Variants in SYNPR observed in about 807,000 individuals in gnomAD.
The protein encoded by SYNPR is synaptoporin.
A neutral mutation model predicts 32.9 loss-of-function variants in SYNPR; 23 were observed. The observed-to-expected ratio is 0.70, with a 90% CI of 0.50 to 0.99. The LOEUF (loss-of-function observed/expected upper bound fraction) is 0.99, where lower values mean the gene tolerates loss of function less well. Among genes scored for constraint, SYNPR ranks in the 50% least tolerant of loss-of-function variants. The probability of loss-of-function intolerance (pLI) is 0.00; values close to 1 mark genes in which losing one functional copy is unlikely to be tolerated. For synonymous variants in SYNPR, 146 were observed against 135.9 expected (o/e 1.07, Z -0.52); for missense variants, 318 against 349.3 (o/e 0.91, Z 0.71).
chr3:63,524,850 T>TGTGTGTGC lies in SYNPR; in HGVS notation c.210-31692_210-31691insTGTGTGCG, dbSNP rs1405963400. ...GTGTGTGTGTGTGTGTGTGTGTGTG[T>TGTGTGTGC]GCATGTGTGTGTGTGTGTGTGAGAG... On this transcript the variant is annotated intron_variant, in intron 3 of 5. Coordinates refer to ENST00000478300, the MANE Select transcript of SYNPR (RefSeq NM_001130003.2). Among the ~76,000 whole-genome samples, 30 of 124,448 alleles carry TGTGTGTGC rather than the reference T, an allele frequency of 2.4e-4. 1 individual carries two copies. The highest frequency in any genetic ancestry group is 7.5e-4 in the African/African-American group (25 of 33,162). The allele number at this position is 124,448 out of a possible 152,430, so 81.6% of individuals were successfully genotyped here. A position where few individuals can be genotyped will look rare whatever the true frequency, so the allele number is the denominator to read the frequency against.
chr3:63,523,952 G>A (rs1041527419), intron 3 of SYNPR, among the ~76,000 whole-genome samples: 5 of 152,118 alleles, frequency 3.3e-5, no homozygotes, highest in African/African-American at 7.2e-5. Flanking sequence ...CTGTGGACTA[G>A]TGAAAGATTT....
chr3:63,529,192 A>G (rs1468890090), intron 3 of SYNPR, among the ~76,000 whole-genome samples: 3 of 152,236 alleles, frequency 2.0e-5, no homozygotes, highest in African/African-American at 7.2e-5. Flanking sequence ...AAATCCTCCA[A>G]TGCTCAAGTC....
At chr3:63,483,305 A>G (rs1701082638) in intron 3 of SYNPR, among the ~76,000 whole-genome samples, 3 of 152,342 alleles carry the variant, frequency 2.0e-5, no homozygotes, top group African/African-American at 7.2e-5. Context: ...AAGTGAATGT[A>G]CAGATATAGA....
chr3:63,600,318 T>G (rs1700021014), intron 4 of SYNPR, among the ~76,000 whole-genome samples: 1 of 152,204 alleles, frequency 6.6e-6, no homozygotes, highest in African/African-American at 2.4e-5. Context: ...TTCTACATCA[T>G]GCTCTGTGCC....
At chr3:63,573,226 G>A (rs1575718175) in intron 4 of SYNPR, among the ~76,000 whole-genome samples, 1 of 152,214 alleles carries the variant, frequency 6.6e-6, no homozygotes, top group East Asian at 1.9e-4. Context: ...CTAAAACCCA[G>A]GGCTATCAGT....
intron 2 of SYNPR, among the ~76,000 whole-genome samples, chr3:63,416,122 C>T (rs1197084236): frequency 6.6e-6 from 1 of 152,242 alleles, no homozygotes. Context: ...CTTTACATTT[C>T]AGTTCACAAG....
chr3:63,379,336 G>T (rs1407093631), intron 2 of SYNPR, among the ~76,000 whole-genome samples: 1 of 152,010 alleles, frequency 6.6e-6, no homozygotes, highest in Non-Finnish European at 1.5e-5. Context: ...AGATTCTGTT[G>T]GTTGGTGATA....
At chr3:63,205,403 A>G in the SYNPR span, among the ~76,000 whole-genome samples, 2,193 of 152,334 alleles carry the variant, frequency 0.014, 44 homozygotes, top group African/African-American at 0.049. Context: ...TGTAACACCA[A>G]TTCTACCTTT....
At chr3:63,587,235 C>T (rs778424648) in intron 4 of SYNPR, among the ~76,000 whole-genome samples, 3 of 152,092 alleles carry the variant, frequency 2.0e-5, no homozygotes, top group Non-Finnish European at 4.4e-5. Flanking sequence ...ATCATCATCA[C>T]GATCATTAAT....
At chr3:63,507,105 C>A (rs1414715497) in intron 3 of SYNPR, among the ~76,000 whole-genome samples, 1 of 151,566 alleles carries the variant, frequency 6.6e-6, no homozygotes, top group Non-Finnish European at 1.5e-5. Flanking sequence ...CGACATCGCA[C>A]CATGGCACTC....
chr3:63,275,193 T>C (rs2086563810), upstream of SYNPR, among the ~76,000 whole-genome samples: 1 of 152,212 alleles, frequency 6.6e-6, no homozygotes, highest in South Asian at 2.1e-4. Context: ...CTGATAGTAA[T>C]ATTGTGGCAG....
intron 2 of SYNPR, among the ~76,000 whole-genome samples, chr3:63,357,046 T>C (rs918088749): frequency 6.6e-6 from 1 of 152,242 alleles, no homozygotes; most frequent in African/African-American, 2.4e-5. Flanking sequence ...ATGATGACAA[T>C]AATTATTACA....
At chr3:63,293,445 T>G (rs1412661776) in intron 2 of SYNPR, among the ~76,000 whole-genome samples, 1 of 152,212 alleles carries the variant, frequency 6.6e-6, no homozygotes, top group East Asian at 1.9e-4. Context: ...GAGATAACCT[T>G]AATACTTTGA....
Position 63,456,979 on chromosome 3 carries a change from T to C in SYNPR, c.85-23853T>C, listed in dbSNP as rs150550922. Among the ~76,000 whole-genome samples, 29 of 152,188 alleles carry C rather than the reference T, an allele frequency of 1.9e-4. No individual in the cohort carries two copies. In the East Asian group the frequency reaches 4.4e-3, roughly 23 times the overall value. ...TGGTGGGTCCAGAGAAGCTCTCCTC[T>C]TTGCAGCGGGGCCTCTGACCTGGGC... is the stretch of plus-strand genomic sequence containing the variant. On this transcript the variant is annotated intron_variant, in intron 2 of 5. Transcript: ENST00000478300.
chr3:63,317,197 T>G (rs1274153438), intron 2 of SYNPR, among the ~76,000 whole-genome samples: 1 of 152,074 alleles, frequency 6.6e-6, no homozygotes, highest in Non-Finnish European at 1.5e-5. Flanking sequence ...TTGAATAGAA[T>G]GTGTATTCTG....
intron 2 of SYNPR, among the ~76,000 whole-genome samples, chr3:63,335,326 C>A (rs1326826779): frequency 7.3e-6 from 1 of 137,586 alleles, no homozygotes; most frequent in South Asian, 2.3e-4. Flanking sequence ...GCACTCCAGC[C>A]TGGGCAACAG....
intron 1 of SYNPR, among the ~76,000 whole-genome samples, chr3:63,237,309 T>C (rs770145241): frequency 1.3e-5 from 2 of 152,166 alleles, no homozygotes; most frequent in African/African-American, 4.8e-5. Flanking sequence ...TTACTGATTC[T>C]ATCCTCTGTC....
intron 2 of SYNPR, among the ~76,000 whole-genome samples, chr3:63,331,743 A>G (rs1038316443): frequency 9.2e-5 from 14 of 152,294 alleles, no homozygotes; most frequent in African/African-American, 3.4e-4. Context: ...CACTTTCTTT[A>G]TGAGGAAATT....
At chr3:63,218,881 T>C in the SYNPR span, among the ~76,000 whole-genome samples, 119,753 of 152,160 alleles carry the variant, frequency 0.79, 47,662 homozygotes, top group Middle Eastern at 0.87. Context: ...TAAACAACTC[T>C]AACCTGACTC....
Sources: gnomAD v4.1 joint callset for allele counts (sites outside exome capture counted in the v4.1 genomes callset) on GRCh38, gnomAD v4.1.1 for gene constraint, MANE v1.5 for transcripts, NCBI Gene and HGNC (gene_info 2026-07-23, HGNC 2026-07-21) for gene names.